Variants in CPVL observed in about 807,000 individuals in gnomAD.
The protein encoded by CPVL is carboxypeptidase vitellogenic like.
Under a neutral mutation model 63.7 loss-of-function variants are expected in CPVL, and 51 were observed. The observed-to-expected ratio is 0.80, with a 90% confidence interval of 0.64 to 1.01. The LOEUF is 1.01. Among genes scored for constraint, CPVL ranks in the 50% least tolerant of loss-of-function variants. The pLI is 0.00. For missense variants in CPVL, 530 were observed against 573.1 expected (o/e 0.92, Z 0.77); for synonymous variants, 195 against 206.0 (o/e 0.95, Z 0.46).
chr7:28,999,253 A>G (rs915220777), intron 12 of CPVL, among the ~76,000 whole-genome samples: 29 of 152,140 alleles, frequency 1.9e-4, no homozygotes, highest in African/African-American at 6.8e-4. Context: ...TCAAATTTGA[A>G]CGTGCATAAA....
chr7:29,158,921 G>C (rs1794799098), intron 5 of CPVL, among the ~76,000 whole-genome samples: 1 of 152,210 alleles, frequency 6.6e-6, no homozygotes, highest in Admixed American at 6.5e-5. Context: ...AAAATTGCTA[G>C]AGGAATGTAA....
chr7:29,098,728 T>C lies in CPVL; in HGVS notation c.289-2511A>G, dbSNP rs1041663146. On this transcript the variant is annotated intron_variant, in intron 3 of 12. Transcript: ENST00000265394. The stretch of plus-strand genomic sequence containing the variant: ...CCACCAGTGTGTAACTTTTGGCAAG[T>C]TGCCTAAGCTCTCTGGATCTCAGTT... 4.0e-5 allele frequency among the ~76,000 whole-genome samples: 6 copies of C among 151,890 alleles called. No homozygotes were observed. The East Asian group carries it at 9.8e-4, about 25-fold the overall frequency.
intron 12 of CPVL, among the ~76,000 whole-genome samples, chr7:29,030,000 T>C (rs1021484620): frequency 1.8e-4 from 27 of 152,304 alleles, no homozygotes; most frequent in African/African-American, 6.5e-4. Flanking sequence ...CAGTGAATTC[T>C]CCTAACACTT....
At chr7:29,164,887 G>A (rs577116064) in intron 5 of CPVL, among the ~76,000 whole-genome samples, 23 of 151,686 alleles carry the variant, frequency 1.5e-4, no homozygotes, top group Non-Finnish European at 5.9e-5. Flanking sequence ...ACTTTCTAGA[G>A]TGTTCCATTG....
chr7:28,996,574 A>C (rs1006508754), intron 12 of CPVL, among the ~76,000 whole-genome samples: 3 of 151,964 alleles, frequency 2.0e-5, no homozygotes, highest in Admixed American at 1.3e-4. Context: ...CAAAACAAAA[A>C]ACTTGACACT....
chr7:29,001,336 A>T (rs2648659), intron 12 of CPVL: 127,234 of 152,162 alleles, frequency 0.84, 53,881 homozygotes, highest in African/African-American at 0.95. Flanking sequence ...CAGTATAGAA[A>T]GATGCATACC....
Position 29,128,948 on chromosome 7 carries a change from G to T in CPVL, c.-10-7877C>A, listed in dbSNP as rs575881304. 4.9e-4 allele frequency among the ~76,000 whole-genome samples: 75 copies of T among 152,202 alleles called. 2 individuals are homozygous for T. In the South Asian group the frequency reaches 0.015, roughly 31 times the overall value. On this transcript the variant is annotated intron_variant, in intron 1 of 12. Coordinates refer to ENST00000265394, the MANE Select transcript of CPVL (RefSeq NM_031311.5). ...GGAGGGAGTGGTACACAATGAGGCT[G>T]GAGAGACAGATAAAGCAGAGCTCCT...
chr7:29,178,968 C>T (rs1402468155), intron 5 of CPVL, among the ~76,000 whole-genome samples: 1 of 152,154 alleles, frequency 6.6e-6, no homozygotes, highest in Non-Finnish European at 1.5e-5. Context: ...CAGGACCCCA[C>T]CTACCAGAGC....
chr7:29,075,477 C>G (rs1784145481), intron 7 of CPVL, among the ~76,000 whole-genome samples: 1 of 138,844 alleles, frequency 7.2e-6, no homozygotes, highest in Non-Finnish European at 1.5e-5. Context: ...TATCTAATTG[C>G]ATTTCAGTCA....
At chr7:28,996,772 C>G (rs763561441) in intron 12 of CPVL, among the ~76,000 whole-genome samples, 2 of 152,092 alleles carry the variant, frequency 1.3e-5, no homozygotes, top group Non-Finnish European at 2.9e-5. Flanking sequence ...ATCCCACACC[C>G]ATCCACTAAT....
intron 5 of CPVL, among the ~76,000 whole-genome samples, chr7:29,157,685 C>T (rs1001478668): frequency 4.6e-5 from 7 of 152,246 alleles, no homozygotes; most frequent in African/African-American, 1.7e-4. Flanking sequence ...TACTCCCCTT[C>T]ACCAGTGAAA....
intron 11 of CPVL, among the ~76,000 whole-genome samples, chr7:29,052,986 T>C (rs184739915): frequency 6.6e-6 from 1 of 152,136 alleles, no homozygotes; most frequent in East Asian, 1.9e-4. Flanking sequence ...GCAACCCAAT[T>C]AATAGGCAAA....
intron 5 of CPVL, among the ~76,000 whole-genome samples, chr7:29,155,456 A>G (rs1207189454): frequency 6.6e-6 from 1 of 152,206 alleles, no homozygotes; most frequent in East Asian, 1.9e-4. Flanking sequence ...CTGTAACCCG[A>G]AAAGGTAGAT....
intron 11 of CPVL, among the ~76,000 whole-genome samples, chr7:29,053,015 C>T (rs887089259): frequency 1.3e-5 from 2 of 152,130 alleles, no homozygotes; most frequent in African/African-American, 4.8e-5. Context: ...ATACACATTT[C>T]TCCAAAAAAC....
intron 11 of CPVL, among the ~76,000 whole-genome samples, chr7:29,038,522 C>G (rs1788763139): frequency 6.6e-6 from 1 of 152,204 alleles, no homozygotes; most frequent in African/African-American, 2.4e-5. Context: ...CTAAGACAGT[C>G]AGCATTTAAA....
At chr7:29,121,125 G>A in intron 1 of CPVL, 54 bp from the exon 2 acceptor site, 2 of 1,456,536 alleles carry the variant, frequency 1.4e-6, no homozygotes, top group Non-Finnish European at 1.8e-6. Flanking sequence ...TATTTACCTG[G>A]CCCTTTTACA....
chr7:29,116,526 T>G (rs181135288), intron 2 of CPVL, among the ~76,000 whole-genome samples: 2 of 152,366 alleles, frequency 1.3e-5, no homozygotes, highest in East Asian at 3.9e-4. Flanking sequence ...TTTTTACTGC[T>G]GCAACCAATG....
intron 7 of CPVL, chr7:29,082,180 G>C (rs1324305885): frequency 1.4e-5 from 2 of 147,252 alleles, no homozygotes; most frequent in East Asian, 3.8e-4. Context: ...AGCAGCGAGA[G>C]GGAAAATGGG....
intron 1 of CPVL, among the ~76,000 whole-genome samples, chr7:29,134,210 T>G (rs968088090): frequency 6.6e-6 from 1 of 152,214 alleles, no homozygotes; most frequent in Non-Finnish European, 1.5e-5. Flanking sequence ...CTTCAGCCTC[T>G]GCAGGAGACT....
Sources: allele counts gnomAD v4.1 joint callset (sites outside exome capture counted in the v4.1 genomes callset), GRCh38; gene constraint gnomAD v4.1.1; transcripts MANE v1.5; gene names NCBI Gene and HGNC (gene_info 2026-07-23, HGNC 2026-07-21).